Variants in CCSER1 observed in about 807,000 individuals in gnomAD.
CCSER1 encodes the protein coiled-coil serine rich protein 1.
A neutral mutation model predicts 82.0 loss-of-function variants in CCSER1; 41 were observed. The ratio of observed to expected loss-of-function variants is 0.50; its 90% CI spans 0.39 to 0.65. The LOEUF (loss-of-function observed/expected upper bound fraction) is 0.65. Ranked by LOEUF, CCSER1 falls within the 30% of genes least tolerant of loss-of-function variation. CCSER1 has a pLI of 0.00. For missense variants in CCSER1, 1,119 were observed against 1,064.2 expected, an observed-to-expected ratio of 1.05 and a Z score of -0.72; for synonymous variants, 414 against 383.9, an observed-to-expected ratio of 1.08 and a Z score of -0.92.
At chr4:91,141,167 T>C (rs1214840468) in intron 10 of CCSER1, among the ~76,000 whole-genome samples, 1 of 149,084 alleles carries the variant, frequency 6.7e-6, no homozygotes, top group Non-Finnish European at 1.5e-5. Context: ...TTTTTTTTTT[T>C]CTTTTTGAGA....
intron 10 of CCSER1, among the ~76,000 whole-genome samples, chr4:91,294,576 A>T (rs1744016617): frequency 6.6e-6 from 1 of 151,634 alleles, no homozygotes; most frequent in South Asian, 2.1e-4. Context: ...TTCCTTCTGG[A>T]GGTTTGAAGG....
At position 91,162,619 on chromosome 4, in the gene CCSER1, G is replaced by A. The variant is rs571806471; in HGVS notation, c.2217+76625G>A. 2.7e-4 allele frequency among the ~76,000 whole-genome samples: 41 copies of A among 152,206 alleles called. 1 individual carries two copies. The South Asian group carries it at 8.3e-3, about 31-fold the overall frequency. On this transcript the variant is annotated intron_variant, in intron 10 of 10. Coordinates refer to ENST00000509176, the MANE Select transcript of CCSER1 (RefSeq NM_001145065.2). ...GCCTCAATTTCAGAGCCTGTTACTG[G>A]TCTATTCAGATATTCAACTTCTTCC...
intron 8 of CCSER1, among the ~76,000 whole-genome samples, chr4:90,860,233 C>T (rs1378538560): frequency 6.6e-6 from 1 of 151,312 alleles, no homozygotes; most frequent in Non-Finnish European, 1.5e-5. Flanking sequence ...TATGAATGTC[C>T]AATAAGCACA....
At chr4:90,811,417 A>G (rs537339909) in intron 7 of CCSER1, among the ~76,000 whole-genome samples, 1 of 152,188 alleles carries the variant, frequency 6.6e-6, no homozygotes, top group Admixed American at 6.5e-5. Flanking sequence ...TTAGCTGTTA[A>G]ATTAGGAAGT....
At chr4:91,573,324 C>T (rs1763283220) in intron 10 of CCSER1, among the ~76,000 whole-genome samples, 1 of 152,148 alleles carries the variant, frequency 6.6e-6, no homozygotes, top group South Asian at 2.1e-4. Flanking sequence ...TTGTGAGACA[C>T]CAAGGAAGTA....
At chr4:90,906,430 T>C (rs1725484944) in intron 8 of CCSER1, among the ~76,000 whole-genome samples, 1 of 152,102 alleles carries the variant, frequency 6.6e-6, no homozygotes, top group Non-Finnish European at 1.5e-5. Context: ...CTTATTCTTG[T>C]CTCCCTTATG....
At chr4:90,441,003 G>A (rs984438076) in intron 4 of CCSER1, among the ~76,000 whole-genome samples, 1 of 152,116 alleles carries the variant, frequency 6.6e-6, no homozygotes, top group Non-Finnish European at 1.5e-5. Context: ...GCAGTGCAAG[G>A]TAATGAATGC....
chr4:91,324,221 C>T (rs1746391136), intron 10 of CCSER1, among the ~76,000 whole-genome samples: 1 of 152,022 alleles, frequency 6.6e-6, no homozygotes, highest in African/African-American at 2.4e-5. Context: ...TGTTCTATCT[C>T]CAAAATTATA....
rs149967108 is a variant in CCSER1 at position 90,235,903 on chromosome 4, A to T, written c.-41-72341A>T. 1.7e-3 allele frequency among the ~76,000 whole-genome samples: 262 copies of T among 152,330 alleles called. 2 individuals carry two copies. The highest frequency in any genetic ancestry group is 5.9e-3 in the African/African-American group (244 of 41,574). Reference sequence around the variant, plus strand: ...CAAACCTGGAAAATAAGAAAACAGCATTCAAATTTACAAAGCTCTATTTAC... The same window carrying T: ...CAAACCTGGAAAATAAGAAAACAGCTTTCAAATTTACAAAGCTCTATTTAC... On this transcript the variant is annotated intron_variant, in intron 1 of 10. Coordinates refer to ENST00000509176, the MANE Select transcript of CCSER1 (RefSeq NM_001145065.2).
chr4:91,456,556 C>CT (rs150787098), intron 10 of CCSER1, among the ~76,000 whole-genome samples: 3 of 151,922 alleles, frequency 2.0e-5, no homozygotes, highest in East Asian at 1.9e-4. Flanking sequence ...ATTCTGTTCT[C>CT]TTTTTTTAAG....
intron 10 of CCSER1, among the ~76,000 whole-genome samples, chr4:91,370,502 C>T (rs12186118): frequency 0.76 from 115,273 of 151,910 alleles, 44,201 homozygotes; most frequent in East Asian, 0.88. Flanking sequence ...CAAGACCATC[C>T]TGGCCAGTAT....
At chr4:90,795,019 G>A (rs1755793793) in intron 7 of CCSER1, among the ~76,000 whole-genome samples, 1 of 152,062 alleles carries the variant, frequency 6.6e-6, no homozygotes, top group Non-Finnish European at 1.5e-5. Flanking sequence ...GCTGGGTGCG[G>A]TGGCTCACAC....
At chr4:90,306,523 C>T (rs1288016049) in intron 1 of CCSER1, among the ~76,000 whole-genome samples, 10 of 151,998 alleles carry the variant, frequency 6.6e-5, no homozygotes. Flanking sequence ...AGTGAAAAAT[C>T]ATCCATCAAA....
Position 90,437,277 on chromosome 4 carries a change from GCACA to G in CCSER1, c.1604-30948_1604-30945del, listed in dbSNP as rs3042070. On this transcript the variant is annotated intron_variant, in intron 4 of 10. Coordinates refer to ENST00000509176, the MANE Select transcript of CCSER1 (RefSeq NM_001145065.2). ...TACGCACACATGCACACATGCGCGCGCACACACACACATATATATATACACACAG... is the reference window on the plus strand; with the variant it reads ...TACGCACACATGCACACATGCGCGCGCACACACATATATATATACACACAG... Among the ~76,000 whole-genome samples the G allele has an allele frequency of 4.6e-5, 7 of 151,186 alleles. No homozygotes were observed. The East Asian group carries it at 5.8e-4, about 13-fold the overall frequency.
intron 6 of CCSER1, among the ~76,000 whole-genome samples, chr4:90,636,140 A>G: frequency 6.6e-6 from 1 of 151,992 alleles, no homozygotes. Context: ...TCCTGCAGAC[A>G]TCAACATGAT....
At chr4:90,150,965 A>AT (rs35588830) in intron 1 of CCSER1, among the ~76,000 whole-genome samples, 7 of 151,284 alleles carry the variant, frequency 4.6e-5, no homozygotes, top group Non-Finnish European at 8.9e-5. Context: ...ATAGATTGTT[A>AT]TTTTTTTTTC....
intron 7 of CCSER1, among the ~76,000 whole-genome samples, chr4:90,791,246 G>A (rs11097265): frequency 6.6e-6 from 1 of 152,096 alleles, no homozygotes; most frequent in Non-Finnish European, 1.5e-5. Context: ...TGACATGTGG[G>A]GATTAAGGGA....
chr4:91,401,542 T>C (rs1016108047), intron 10 of CCSER1, among the ~76,000 whole-genome samples: 3 of 151,842 alleles, frequency 2.0e-5, no homozygotes, highest in African/African-American at 7.3e-5. Flanking sequence ...ATTCTATTCG[T>C]CCCCCCTCCC....
chr4:91,313,169 C>G (rs553677346), intron 10 of CCSER1, among the ~76,000 whole-genome samples: 1 of 151,832 alleles, frequency 6.6e-6, no homozygotes, highest in Non-Finnish European at 1.5e-5. Flanking sequence ...ATTCATAAGA[C>G]ATTAAGTACT....
Sources: allele counts gnomAD v4.1 joint callset (sites outside exome capture counted in the v4.1 genomes callset), GRCh38; gene constraint gnomAD v4.1.1; transcripts MANE v1.5; gene names NCBI Gene and HGNC (gene_info 2026-07-23, HGNC 2026-07-21).